Variants in SNTG1 observed in about 807,000 individuals in gnomAD.
The protein encoded by SNTG1 is gamma-1-syntrophin.
SNTG1 carries 39 observed loss-of-function variants against 74.7 expected under a neutral mutation model. The ratio of observed to expected loss-of-function variants is 0.52; its 90% confidence interval spans 0.40 to 0.68. The LOEUF (loss-of-function observed/expected upper bound fraction) is 0.68, where lower values mean the gene tolerates loss of function less well. Among genes scored for constraint, SNTG1 ranks in the 30% least tolerant of loss-of-function variants. SNTG1 has a pLI of 0.00. For synonymous variants in SNTG1, 254 were observed against 217.1 expected (o/e 1.17, Z -1.49); for missense variants, 685 against 609.5 (o/e 1.12, Z -1.30).
At position 50,135,857 on chromosome 8, in the gene SNTG1, C is replaced by T. The variant is rs534514813; in HGVS notation, c.-102-36704C>T. Among the ~76,000 whole-genome samples the T allele has an allele frequency of 3.7e-3, 568 of 152,188 alleles. 1 individual carries two copies. Among genetic ancestry groups the T allele is most frequent in the Non-Finnish European group, 6.3e-3 (427 of 68,022 alleles). ...GCCGATTGTTTTGTCTCCCAGGTAA[C>T]GAACATAGTAGCTGATAGATAGTTT... is the stretch of plus-strand genomic sequence containing the variant. On this transcript the variant is annotated intron_variant, in intron 1 of 18. Coordinates refer to ENST00000642720, the MANE Select transcript of SNTG1 (RefSeq NM_018967.5).
At chr8:50,404,041 C>G (rs1324915526) in intron 4 of SNTG1, among the ~76,000 whole-genome samples, 2 of 152,038 alleles carry the variant, frequency 1.3e-5, no homozygotes, top group Non-Finnish European at 2.9e-5. Context: ...GCATAGAAAA[C>G]CTTAAGAATT....
intron 2 of SNTG1, among the ~76,000 whole-genome samples, chr8:50,342,894 G>C (rs2091360648): frequency 6.6e-6 from 1 of 152,142 alleles, no homozygotes; most frequent in African/African-American, 2.4e-5. Flanking sequence ...CAAACCTGAA[G>C]CAAAGGAGTT....
chr8:50,092,408 A>G (rs1282146928), intron 1 of SNTG1, among the ~76,000 whole-genome samples: 2 of 152,126 alleles, frequency 1.3e-5, no homozygotes, highest in Non-Finnish European at 2.9e-5. Context: ...TGAAGTCTAC[A>G]GATGTGTTTG....
intron 11 of SNTG1, among the ~76,000 whole-genome samples, chr8:50,544,188 A>G (rs1292939941): frequency 6.6e-6 from 1 of 151,964 alleles, no homozygotes; most frequent in Non-Finnish European, 1.5e-5. Context: ...GTTATCATTT[A>G]AGTTATCGCC....
intron 5 of SNTG1, among the ~76,000 whole-genome samples, chr8:50,443,579 G>T: frequency 6.6e-6 from 1 of 152,010 alleles, no homozygotes; most frequent in East Asian, 1.9e-4. Flanking sequence ...AGTTCAATTT[G>T]CCTTTATTAT....
intron 2 of SNTG1, among the ~76,000 whole-genome samples, chr8:50,296,764 G>A (rs1169220689): frequency 6.6e-6 from 1 of 151,918 alleles, no homozygotes; most frequent in Non-Finnish European, 1.5e-5. Flanking sequence ...ATGTATCCCA[G>A]AATTTAAGTA....
At chr8:50,067,667 A>T (rs1821007942) in intron 1 of SNTG1, among the ~76,000 whole-genome samples, 1 of 152,128 alleles carries the variant, frequency 6.6e-6, no homozygotes, top group South Asian at 2.1e-4. Flanking sequence ...CCCACAGTTG[A>T]CCAACTTTCT....
chr8:50,227,641 G>A lies in SNTG1; in HGVS notation c.-28+55006G>A, dbSNP rs192116782. ...CTCTGACCCTTCCCACTGCATCAAC[G>A]CAGCTCCAGTAAAATATCAGTAGCT... On this transcript the variant is annotated intron_variant, in intron 2 of 18. Coordinates refer to ENST00000642720, the MANE Select transcript of SNTG1 (RefSeq NM_018967.5). 1.7e-3 allele frequency among the ~76,000 whole-genome samples: 254 copies of A among 151,942 alleles called. 3 individuals are homozygous for A. Among genetic ancestry groups the A allele is most frequent in the Middle Eastern group, 0.014 (4 of 294 alleles).
intron 9 of SNTG1, among the ~76,000 whole-genome samples, chr8:50,525,339 A>T (rs2094211498): frequency 6.6e-6 from 1 of 152,132 alleles, no homozygotes; most frequent in Admixed American, 6.6e-5. Flanking sequence ...GTTTGATAAT[A>T]ATGAGTTTCA....
At chr8:50,654,421 C>T (rs956731766) in intron 13 of SNTG1, among the ~76,000 whole-genome samples, 1 of 152,094 alleles carries the variant, frequency 6.6e-6, no homozygotes, top group Non-Finnish European at 1.5e-5. Context: ...CTAAATGGAA[C>T]ATTTTATAAT....
chr8:50,399,054 G>GTTTTATTAAAA (rs2092766758), intron 3 of SNTG1, among the ~76,000 whole-genome samples: 1 of 152,220 alleles, frequency 6.6e-6, no homozygotes, highest in Non-Finnish European at 1.5e-5. Context: ...TAATAAATGT[G>GTTTTATTAAAA]TGGGATTTTA....
At chr8:50,336,080 T>A (rs779958410) in intron 2 of SNTG1, among the ~76,000 whole-genome samples, 3 of 152,166 alleles carry the variant, frequency 2.0e-5, no homozygotes, top group Non-Finnish European at 2.9e-5. Context: ...TTAAGTATTA[T>A]GTGTTGGGTA....
intron 2 of SNTG1, among the ~76,000 whole-genome samples, chr8:50,207,698 C>A (rs1230399486): frequency 6.6e-6 from 1 of 152,102 alleles, no homozygotes; most frequent in Non-Finnish European, 1.5e-5. Context: ...CTCTTGTGGG[C>A]ATTTAGTGCT....
chr8:50,448,733 T>A (rs902508292), intron 5 of SNTG1, among the ~76,000 whole-genome samples: 1 of 152,114 alleles, frequency 6.6e-6, no homozygotes, highest in Admixed American at 6.6e-5. Flanking sequence ...TTTAGTCAAC[T>A]AATAAATAGT....
chr8:50,781,751 T>C (rs1272743714), intron 18 of SNTG1, among the ~76,000 whole-genome samples: 1 of 152,220 alleles, frequency 6.6e-6, no homozygotes, highest in Non-Finnish European at 1.5e-5. Context: ...GTCATTATGA[T>C]GTTAGCTGGT....
At chr8:50,647,424 A>C (rs996080003) in intron 13 of SNTG1, among the ~76,000 whole-genome samples, 2 of 151,962 alleles carry the variant, frequency 1.3e-5, no homozygotes. Flanking sequence ...CTCATGAAAA[A>C]AATACACACA....
intron 2 of SNTG1, among the ~76,000 whole-genome samples, chr8:50,330,586 C>G (rs1035167745): frequency 6.6e-6 from 1 of 152,144 alleles, no homozygotes; most frequent in African/African-American, 2.4e-5. Context: ...CAGCAGTACC[C>G]CACTATCCCA....
chr8:50,188,626 T>C (rs2083464378), intron 2 of SNTG1, among the ~76,000 whole-genome samples: 1 of 152,082 alleles, frequency 6.6e-6, no homozygotes, highest in Non-Finnish European at 1.5e-5. Flanking sequence ...AACTTTCCTA[T>C]TCCTTCAAGG....
intron 2 of SNTG1, among the ~76,000 whole-genome samples, chr8:50,241,116 C>A (rs2086145245): frequency 6.6e-6 from 1 of 152,116 alleles, no homozygotes; most frequent in Non-Finnish European, 1.5e-5. Flanking sequence ...TGGGTTAAGG[C>A]TAGTGGTAGA....
Sources: gnomAD v4.1 joint callset for allele counts (sites outside exome capture counted in the v4.1 genomes callset) on GRCh38, gnomAD v4.1.1 for gene constraint, MANE v1.5 for transcripts, NCBI Gene and HGNC (gene_info 2026-07-23, HGNC 2026-07-21) for gene names.